The following OSBP2 variants were observed in gnomAD, a reference collection of about 807,000 sequenced individuals.
OSBP2 encodes oxysterol binding protein 2, also known as oxysterol-binding protein 2.
OSBP2 carries 66 observed loss-of-function variants against 96.0 expected under a neutral mutation model. That is an observed-to-expected ratio of 0.69 (90% confidence interval 0.56 to 0.84). The LOEUF is 0.84. OSBP2 is among the 40% of genes least tolerant of loss of function. OSBP2 has a pLI of 0.00. For synonymous variants in OSBP2, 525 were observed against 520.9 expected, an observed-to-expected ratio of 1.01 and a Z score of -0.11; for missense variants, 1,038 against 1,222.7, an observed-to-expected ratio of 0.85 and a Z score of 2.25.
At chr22:30,784,811 C>T (rs1426543501) in intron 2 of OSBP2, among the ~76,000 whole-genome samples, 3 of 145,726 alleles carry the variant, frequency 2.1e-5, no homozygotes, top group Non-Finnish European at 4.5e-5. Context: ...CTTGCTCTGT[C>T]GCCCAGGCTG....
chr22:30,828,610 C>G (rs1023566118), intron 2 of OSBP2, among the ~76,000 whole-genome samples: 2 of 152,164 alleles, frequency 1.3e-5, no homozygotes, highest in Non-Finnish European at 2.9e-5. Context: ...GAGGGCCCGA[C>G]GTGGGCAAGC....
chr22:30,827,849 A>G (rs1569140333), intron 2 of OSBP2, among the ~76,000 whole-genome samples: 1 of 152,250 alleles, frequency 6.6e-6, no homozygotes, highest in Non-Finnish European at 1.5e-5. Flanking sequence ...CAATGGTAGC[A>G]AGGAAGATAA....
At chr22:30,741,652 T>G (rs576393410) in intron 2 of OSBP2, among the ~76,000 whole-genome samples, 10 of 152,258 alleles carry the variant, frequency 6.6e-5, no homozygotes, top group Admixed American at 6.5e-4. Context: ...CTTCAGATGC[T>G]GCAGTGGGTT....
chr22:30,870,666 C>G lies in OSBP2; in HGVS notation c.1091C>G (p.Ser364Cys). 1 of 1,613,652 alleles carries G rather than the reference C, an allele frequency of 6.2e-7. No homozygotes were observed. Among genetic ancestry groups the G allele is most frequent in the Non-Finnish European group, 8.5e-7 (1 of 1,179,994 alleles). Residue 364 changes from serine to cysteine, a missense_variant, in exon 3 of 14, where the codon TCC becomes TGC. Physicochemically the swap from Ser to Cys is moderately radical, Grantham distance 112. Transcript: ENST00000332585. This position sits in a 1 kb window ranked among gnomAD's most constrained non-coding sequence, Gnocchi z 4.1. The stretch of plus-strand genomic sequence containing the variant: ...CGGGCCACCCTCTTCCGCATCACAT[C>G]CAATGCTATGATCAACGTGAGTACC... ...NERATLFRIT[S>C]NAMINACRDF...
intron 2 of OSBP2, among the ~76,000 whole-genome samples, chr22:30,830,406 T>C (rs533785725): frequency 6.6e-6 from 1 of 152,232 alleles, no homozygotes; most frequent in Admixed American, 6.5e-5. Context: ...TGGGGCTGCC[T>C]GCCGCATCCT....
At position 30,866,498 on chromosome 22, in the gene OSBP2, G is replaced by A. The variant is rs556905810; in HGVS notation, c.854-3931G>A. ...CTCAGGCCTGTGATCCCAGCACTTCGGGAGGCCAAGGCAGGCGGATCACAG... is the reference window on the plus strand; with the variant it reads ...CTCAGGCCTGTGATCCCAGCACTTCAGGAGGCCAAGGCAGGCGGATCACAG... On this transcript the variant is annotated intron_variant, in intron 2 of 13. Coordinates refer to ENST00000332585, the MANE Select transcript of OSBP2 (RefSeq NM_030758.4). Among the ~76,000 whole-genome samples the A allele has an allele frequency of 2.2e-3, 335 of 152,306 alleles. 3 individuals carry two copies. The highest frequency in any genetic ancestry group is 3.9e-3 in the Admixed American group (60 of 15,294).
chr22:30,802,761 G>T (rs2090869347), intron 2 of OSBP2, among the ~76,000 whole-genome samples: 1 of 152,250 alleles, frequency 6.6e-6, no homozygotes, highest in Admixed American at 6.5e-5. Flanking sequence ...CGCTCTCCGA[G>T]CAGTGCTCCA....
intron 2 of OSBP2, among the ~76,000 whole-genome samples, chr22:30,846,251 A>G (rs1430161581): frequency 1.3e-5 from 2 of 151,956 alleles, no homozygotes; most frequent in Non-Finnish European, 2.9e-5. Context: ...GGTTCAAGCA[A>G]TTCTCCTGTC....
chr22:30,734,411 A>G (rs2089822162), intron 1 of OSBP2, among the ~76,000 whole-genome samples: 1 of 152,156 alleles, frequency 6.6e-6, no homozygotes, highest in African/African-American at 2.4e-5. Flanking sequence ...CTTGCGGGAG[A>G]GGAGTTACCA....
intron 3 of OSBP2, among the ~76,000 whole-genome samples, chr22:30,883,696 G>A (rs192283936): frequency 2.0e-4 from 30 of 152,294 alleles, no homozygotes; most frequent in Non-Finnish European, 4.4e-5. Context: ...TGCTGTCTTG[G>A]GATGGGGTGG....
intron 2 of OSBP2, among the ~76,000 whole-genome samples, chr22:30,785,548 CAG>C (rs1241769226): frequency 1.5e-5 from 2 of 131,970 alleles, no homozygotes; most frequent in East Asian, 4.3e-4. Flanking sequence ...GTGTGGGTGA[CAG>C]AGTGAGACTT....
intron 2 of OSBP2, among the ~76,000 whole-genome samples, chr22:30,821,942 G>C (rs2038281512): frequency 6.6e-6 from 1 of 152,366 alleles, no homozygotes; most frequent in Middle Eastern, 3.4e-3. Context: ...CTGGACAGTG[G>C]AGTTGTGTTC....
intron 12 of OSBP2, chr22:30,902,199 A>G (rs2040227730): frequency 1.7e-6 from 2 of 1,152,344 alleles, no homozygotes; most frequent in South Asian, 1.5e-5. Flanking sequence ...CCGTAGCCAG[A>G]AGGAGTCGCT....
chr22:30,725,187 A>C (rs1162427291), intron 1 of OSBP2, among the ~76,000 whole-genome samples: 1 of 94,498 alleles, frequency 1.1e-5, no homozygotes, highest in Admixed American at 9.8e-5. Context: ...AAAACAAAAA[A>C]ACAAAAAAAC....
At chr22:30,707,969 C>T (rs2089282358) in intron 1 of OSBP2, among the ~76,000 whole-genome samples, 1 of 151,632 alleles carries the variant, frequency 6.6e-6, no homozygotes, top group African/African-American at 2.4e-5. Flanking sequence ...CTCACTGCAA[C>T]CTCTACTTCC....
intron 1 of OSBP2, among the ~76,000 whole-genome samples, chr22:30,716,200 C>A (rs528888790): frequency 6.6e-6 from 1 of 151,726 alleles, no homozygotes; most frequent in East Asian, 2.0e-4. Context: ...TGCCACCACA[C>A]CCAGCTAATT....
At chr22:30,768,108 A>G (rs570206766) in intron 2 of OSBP2, among the ~76,000 whole-genome samples, 2 of 152,196 alleles carry the variant, frequency 1.3e-5, no homozygotes, top group South Asian at 4.2e-4. Context: ...CCCAGGGTGA[A>G]TGGGTCACTC....
intron 4 of OSBP2, among the ~76,000 whole-genome samples, chr22:30,887,934 G>A (rs2039852534): frequency 6.6e-6 from 1 of 152,232 alleles, no homozygotes; most frequent in Non-Finnish European, 1.5e-5. Context: ...ACCCTGGACA[G>A]GGGTCCATCA....
At chr22:30,759,211 G>A (rs1047108512) in intron 2 of OSBP2, among the ~76,000 whole-genome samples, 1 of 152,160 alleles carries the variant, frequency 6.6e-6, no homozygotes, top group African/African-American at 2.4e-5. Flanking sequence ...AGCCAGGCGT[G>A]GTGGTGCACA....
Sources: gnomAD v4.1 joint callset for allele counts (sites outside exome capture counted in the v4.1 genomes callset) on GRCh38, gnomAD v4.1.1 for gene constraint, Gnocchi (gnomAD v3.1) non-coding constraint, MANE v1.5 for transcripts, NCBI Gene and HGNC (gene_info 2026-07-23, HGNC 2026-07-21) for gene names.